Variants in DNAH5 observed in about 807,000 individuals in gnomAD.
DNAH5 encodes axonemal beta dynein heavy chain 5.
Under a neutral mutation model 518.2 loss-of-function variants are expected in DNAH5, and 372 were observed. The ratio of observed to expected loss-of-function variants is 0.72; its 90% CI spans 0.66 to 0.78. The LOEUF (loss-of-function observed/expected upper bound fraction) is 0.78, where lower values mean the gene tolerates loss of function less well. Among genes scored for constraint, DNAH5 ranks in the 30% least tolerant of loss-of-function variants. DNAH5 has a pLI of 0.00. For missense variants in DNAH5, 5,523 were observed against 5,687.0 expected (o/e 0.97, Z 0.93); for synonymous variants, 2,039 against 2,025.9 (o/e 1.01, Z -0.17).
At chr5:13,767,012 A>C (rs1752595845) in intron 58 of DNAH5, among the ~76,000 whole-genome samples, 1 of 137,610 alleles carries the variant, frequency 7.3e-6, no homozygotes, top group Non-Finnish European at 1.6e-5. Flanking sequence ...CCTTCACATA[A>C]AAGTGAATGA....
At chr5:13,910,146 C>T (rs1775815925) in intron 12 of DNAH5, among the ~76,000 whole-genome samples, 3 of 152,188 alleles carry the variant, frequency 2.0e-5, no homozygotes, top group Admixed American at 1.3e-4. Context: ...TATAGGTACT[C>T]TCTCTTCCCA....
At chr5:13,795,024 T>G (rs1464943147) in intron 47 of DNAH5, among the ~76,000 whole-genome samples, 1 of 151,982 alleles carries the variant, frequency 6.6e-6, no homozygotes, top group Non-Finnish European at 1.5e-5. Context: ...ATATTAAAAC[T>G]GAAAGAACTG....
chr5:13,884,630 A>T (rs1300510174), intron 19 of DNAH5, among the ~76,000 whole-genome samples: 1 of 152,242 alleles, frequency 6.6e-6, no homozygotes, highest in Non-Finnish European at 1.5e-5. Context: ...TGAGCTCAGG[A>T]GTTCGCCACC....
Position 13,753,281 on chromosome 5 carries a change from A to G in DNAH5, c.10824T>C (p.Thr3608=). The G allele has an allele frequency of 6.2e-7, 1 of 1,614,012 alleles. No individual in the cohort carries two copies. Among genetic ancestry groups the G allele is most frequent in the South Asian group, 1.1e-5 (1 of 91,070 alleles). ...SRYPLLIDPQ[T]QGKIWIKNKE... is the part of the protein sequence containing the mutation. Reference sequence around the variant, plus strand: ...TATTTTTAATCCAGATCTTGCCTTGAGTCTGTGGATCAATTAACAAAGGGT... The same window carrying G: ...TATTTTTAATCCAGATCTTGCCTTGGGTCTGTGGATCAATTAACAAAGGGT... Residue 3608 remains threonine (T), a synonymous_variant, in exon 63 of 79, where the codon ACT becomes ACC. Coordinates refer to ENST00000265104, the MANE Select transcript of DNAH5 (RefSeq NM_001369.3).
At chr5:13,836,402 T>G (rs1481246054) in intron 35 of DNAH5, among the ~76,000 whole-genome samples, 1 of 152,090 alleles carries the variant, frequency 6.6e-6, no homozygotes, top group Non-Finnish European at 1.5e-5. Flanking sequence ...GTTCTATGTT[T>G]AAAGGTCAGA....
At chr5:13,753,110 T>G (rs776633522) in intron 63 of DNAH5, 123 bp downstream of exon 63, 1 of 700,956 alleles carries the variant, frequency 1.4e-6, no homozygotes, top group Non-Finnish European at 2.5e-6. Context: ...CATCTGCTAC[T>G]GCTCTACCTA....
chr5:13,975,803 A>G (rs545582024), intron 1 of DNAH5, among the ~76,000 whole-genome samples: 1 of 152,336 alleles, frequency 6.6e-6, no homozygotes, highest in East Asian at 1.9e-4. Flanking sequence ...ACTCCTGTGC[A>G]GCTATCTTGC....
intron 40 of DNAH5, 86 bp downstream of exon 40, chr5:13,823,177 G>T: frequency 1.1e-6 from 1 of 910,174 alleles, no homozygotes; most frequent in Non-Finnish European, 1.9e-6. Context: ...AGAGTGCATA[G>T]GTTGGAGCCA....
rs192474690 is a variant in DNAH5 at position 13,875,189 on chromosome 5, C to T, written c.3396+1495G>A. On this transcript the variant is annotated intron_variant, in intron 22 of 78. Transcript: ENST00000265104. ...AATGCAATAAAAGTGACACAGAGGC[C>T]GGGCACGGTGGCTCACGACTGTAAT... 1.0e-3 allele frequency among the ~76,000 whole-genome samples: 158 copies of T among 152,094 alleles called. 1 individual carries two copies. The highest frequency in any genetic ancestry group is 3.3e-3 in the Admixed American group (51 of 15,258).
chr5:13,767,888 G>C (rs900466139), intron 58 of DNAH5, among the ~76,000 whole-genome samples: 6 of 152,196 alleles, frequency 3.9e-5, no homozygotes, highest in Non-Finnish European at 5.9e-5. Flanking sequence ...TTAATATCAA[G>C]ATAGGAAGAG....
intron 68 of DNAH5, among the ~76,000 whole-genome samples, chr5:13,733,515 A>G (rs568787638): frequency 6.6e-6 from 1 of 152,324 alleles, no homozygotes; most frequent in Admixed American, 6.5e-5. Flanking sequence ...ACATCTACAC[A>G]TCTTTCTCTC....
intron 1 of DNAH5, among the ~76,000 whole-genome samples, chr5:13,957,058 A>G (rs531605353): frequency 6.6e-6 from 1 of 152,340 alleles, no homozygotes; most frequent in South Asian, 2.1e-4. Context: ...AGAAATCCTC[A>G]GATTCTGGTT....
intron 12 of DNAH5, among the ~76,000 whole-genome samples, chr5:13,908,989 C>A (rs1160149992): frequency 6.6e-6 from 1 of 151,992 alleles, no homozygotes; most frequent in South Asian, 2.1e-4. Flanking sequence ...GACTGCAGAA[C>A]AATTAGTTAA....
At chr5:13,975,827 T>C (rs1782200340) in intron 1 of DNAH5, among the ~76,000 whole-genome samples, 1 of 152,186 alleles carries the variant, frequency 6.6e-6, no homozygotes, top group Admixed American at 6.5e-5. Flanking sequence ...TAGGGTTCCA[T>C]ATATAATTTT....
Position 13,900,270 on chromosome 5 carries a change from G to A in DNAH5, c.2195C>T (p.Ser732Phe), listed in dbSNP as rs1031597709. 7 of 1,614,146 alleles carry A rather than the reference G, an allele frequency of 4.3e-6. No homozygotes were observed. In the African/African-American group the frequency reaches 5.3e-5, roughly 12 times the overall value. ...CTGGAAGAGGGAAGTTGCCAGTGGA[G>A]AGACTTCCAGACCCATCTGGGCCAT... ...ECMAQMGLEV[S>F]PLATSLFQKR... The change falls in exon 15 of 79, where the codon TCT becomes TTT. Residue 732 changes from serine to phenylalanine, a missense_variant. By Grantham distance (155) the Ser-to-Phe change is radical. Around this residue, in one of 3 missense-constraint regions of DNAH5, gnomAD observed 5,121 missense variants for 5,223.3 expected, o/e 0.98. Transcript: ENST00000265104.
At chr5:13,810,720 C>T (rs1580366893) in intron 44 of DNAH5, among the ~76,000 whole-genome samples, 1 of 151,682 alleles carries the variant, frequency 6.6e-6, no homozygotes, top group South Asian at 2.1e-4. Context: ...CGCTACTGCA[C>T]TCCAGCCTGG....
intron 78 of DNAH5, among the ~76,000 whole-genome samples, chr5:13,696,355 A>T (rs1391420059): frequency 6.6e-6 from 1 of 152,084 alleles, no homozygotes; most frequent in Non-Finnish European, 1.5e-5. Flanking sequence ...GGATCTAGAC[A>T]GTGTGTGTGT....
intron 76 of DNAH5, among the ~76,000 whole-genome samples, chr5:13,702,157 T>TCAG (rs1261280772): frequency 6.6e-6 from 1 of 151,204 alleles, no homozygotes; most frequent in Non-Finnish European, 1.5e-5. Flanking sequence ...ATTAATGTCA[T>TCAG]CAGCAGCAGC....
intron 77 of DNAH5, 96 bp downstream of exon 77, chr5:13,701,188 A>G: frequency 7.1e-6 from 11 of 1,540,716 alleles, no homozygotes; most frequent in Non-Finnish European, 8.1e-6. Flanking sequence ...AGAGACAGTC[A>G]TTCTCTGTCT....
Sources: allele counts gnomAD v4.1 joint callset (sites outside exome capture counted in the v4.1 genomes callset), GRCh38; gene constraint gnomAD v4.1.1; regional missense constraint gnomAD v4.1.1; transcripts MANE v1.5; gene names NCBI Gene and HGNC (gene_info 2026-07-23, HGNC 2026-07-21).